Variants in GLCCI1 observed in about 807,000 individuals in gnomAD.
GLCCI1 encodes glucocorticoid-induced transcript 1 protein.
A neutral mutation model predicts 52.2 loss-of-function variants in GLCCI1; 24 were observed. The observed-to-expected ratio is 0.46, with a 90% confidence interval of 0.33 to 0.65. The LOEUF (loss-of-function observed/expected upper bound fraction) is 0.65. Among genes scored for constraint, GLCCI1 ranks in the 30% least tolerant of loss-of-function variants. The probability of loss-of-function intolerance (pLI) is 0.02; values close to 1 mark genes in which losing one functional copy is unlikely to be tolerated. For missense variants in GLCCI1, 704 were observed against 701.5 expected, an observed-to-expected ratio of 1.00 and a Z score of -0.04; for synonymous variants, 310 against 276.5, an observed-to-expected ratio of 1.12 and a Z score of -1.20.
At chr7:7,987,184 C>A (rs895687870) in intron 1 of GLCCI1, among the ~76,000 whole-genome samples, 1 of 152,176 alleles carries the variant, frequency 6.6e-6, no homozygotes, top group African/African-American at 2.4e-5. Flanking sequence ...CACTGTGTAC[C>A]TTGTGTTCCT....
intron 2 of GLCCI1, among the ~76,000 whole-genome samples, chr7:8,013,712 C>G (rs1417188704): frequency 2.6e-5 from 4 of 152,076 alleles, no homozygotes; most frequent in African/African-American, 9.7e-5. Flanking sequence ...CAACACATTT[C>G]TTGTTAAACT....
intron 3 of GLCCI1, among the ~76,000 whole-genome samples, chr7:8,039,108 A>G (rs1421262627): frequency 6.6e-6 from 1 of 152,172 alleles, no homozygotes; most frequent in East Asian, 1.9e-4. Context: ...TCAAAAAAAA[A>G]TAGTTGTTGG....
intron 1 of GLCCI1, among the ~76,000 whole-genome samples, chr7:7,994,772 A>C (rs1483296282): frequency 6.6e-6 from 1 of 152,232 alleles, no homozygotes; most frequent in Non-Finnish European, 1.5e-5. Flanking sequence ...GAATACATTG[A>C]CAAAACTTCT....
intron 6 of GLCCI1, among the ~76,000 whole-genome samples, chr7:8,072,010 A>G (rs1363968609): frequency 3.3e-5 from 5 of 152,218 alleles, no homozygotes; most frequent in Non-Finnish European, 7.3e-5. Flanking sequence ...TGCCCAGATC[A>G]TAAGTGCTCA....
intron 5 of GLCCI1, among the ~76,000 whole-genome samples, chr7:8,064,406 T>C (rs1782585771): frequency 6.6e-6 from 1 of 152,192 alleles, no homozygotes; most frequent in Non-Finnish European, 1.5e-5. Flanking sequence ...AAAGAACAGA[T>C]GGTTACAGGT....
chr7:8,086,704 A>C lies in GLCCI1; in HGVS notation c.*166A>C. 1.6e-6 allele frequency: 1 copy of C among 623,938 alleles called. No individual in the cohort carries two copies. The allele number at this position is 623,938 out of a possible 1,614,324, so 38.7% of individuals were successfully genotyped here. A position where few individuals can be genotyped will look rare whatever the true frequency, so the allele number is the denominator to read the frequency against. ...CTTGGCAGGGACGGAACTCCTATTC[A>C]GCAGTTTTTGTGGAAAGCAGTAATG... On this transcript the variant is annotated 3_prime_UTR_variant, in exon 8 of 8. Coordinates refer to ENST00000223145, the MANE Select transcript of GLCCI1 (RefSeq NM_138426.4). This position sits in a 1 kb window ranked among gnomAD's most constrained non-coding sequence, Gnocchi z 4.4.
intron 2 of GLCCI1, among the ~76,000 whole-genome samples, chr7:8,005,198 T>C (rs1220487392): frequency 1.3e-5 from 2 of 152,136 alleles, no homozygotes; most frequent in East Asian, 3.8e-4. Flanking sequence ...AGAACCATCC[T>C]TCTAGAGGAG....
chr7:8,031,260 G>T lies in GLCCI1; in HGVS notation c.696+8691G>T, dbSNP rs183817107. 1.6e-4 allele frequency among the ~76,000 whole-genome samples: 24 copies of T among 152,196 alleles called. No individual in the cohort carries two copies. The East Asian group carries it at 4.6e-3, about 29-fold the overall frequency. On this transcript the variant is annotated intron_variant, in intron 3 of 7. Transcript: ENST00000223145. Reference sequence around the variant, plus strand: ...ACGTCCAGTTCCATCCAACAACATGGATGTCATTACGTTAAGTGAAATAAG... The same window carrying T: ...ACGTCCAGTTCCATCCAACAACATGTATGTCATTACGTTAAGTGAAATAAG...
chr7:8,044,692 A>G (rs1407051502), intron 3 of GLCCI1, among the ~76,000 whole-genome samples: 1 of 152,192 alleles, frequency 6.6e-6, no homozygotes, highest in Non-Finnish European at 1.5e-5. Flanking sequence ...CATAATTCAC[A>G]TGTATACTCT....
At chr7:8,025,618 C>A (rs1781601594) in intron 3 of GLCCI1, among the ~76,000 whole-genome samples, 1 of 152,058 alleles carries the variant, frequency 6.6e-6, no homozygotes, top group African/African-American at 2.4e-5. Flanking sequence ...GAAATACTAA[C>A]AGAGAACTTT....
chr7:8,050,815 A>G (rs1372960563), intron 3 of GLCCI1, among the ~76,000 whole-genome samples: 7 of 152,226 alleles, frequency 4.6e-5, no homozygotes, highest in Admixed American at 2.0e-4. Context: ...CCACTTAACA[A>G]TGTGACTTTT....
At chr7:8,067,653 A>G (rs904060057) in intron 5 of GLCCI1, among the ~76,000 whole-genome samples, 4 of 152,164 alleles carry the variant, frequency 2.6e-5, no homozygotes, top group Admixed American at 6.5e-5. Flanking sequence ...CTAGATAGCC[A>G]CTTCTCGCTT....
At chr7:8,007,844 AAAG>A (rs1431223294) in intron 2 of GLCCI1, among the ~76,000 whole-genome samples, 3 of 152,216 alleles carry the variant, frequency 2.0e-5, no homozygotes, top group African/African-American at 7.2e-5. Context: ...TACATATTAA[AAAG>A]AAGTAGCATA....
At chr7:8,016,330 G>C (rs1781380458) in intron 2 of GLCCI1, among the ~76,000 whole-genome samples, 1 of 152,082 alleles carries the variant, frequency 6.6e-6, no homozygotes, top group Non-Finnish European at 1.5e-5. Context: ...TTAGCCGGGT[G>C]TGGTGGTGGG....
In GLCCI1 at chr7:8,073,938, A is replaced by G. The variant is rs1052632136; in HGVS notation, c.1177+2807A>G. 1.1e-4 allele frequency among the ~76,000 whole-genome samples: 16 copies of G among 152,046 alleles called. 1 individual carries two copies. Among genetic ancestry groups the G allele is most frequent in the Admixed American group, 9.8e-4 (15 of 15,270 alleles). ...GTGTAGCTCTCTGTTATGCAATACA[A>G]GGTTTCTAGTTCTCAAATCAAATAC... On this transcript the variant is annotated intron_variant, in intron 6 of 7. Transcript: ENST00000223145.
At chr7:8,054,951 C>G (rs995696205) in intron 3 of GLCCI1, among the ~76,000 whole-genome samples, 1 of 151,734 alleles carries the variant, frequency 6.6e-6, no homozygotes, top group Non-Finnish European at 1.5e-5. Flanking sequence ...TACTAAATAG[C>G]TTTGATTCTC....
intron 2 of GLCCI1, among the ~76,000 whole-genome samples, chr7:8,021,609 G>A (rs1229766915): frequency 6.6e-6 from 1 of 152,070 alleles, no homozygotes; most frequent in Non-Finnish European, 1.5e-5. Flanking sequence ...CACCATGTTG[G>A]TCAGGCTGGT....
chr7:8,070,845 G>A (rs10253861), intron 5 of GLCCI1, 76 bp from the exon 6 acceptor site: 704,255 of 1,299,780 alleles, frequency 0.54, 192,377 homozygotes, highest in Middle Eastern at 0.61. Flanking sequence ...ATGAAATCAA[G>A]GGAAATACTA....
At position 8,060,151 on chromosome 7, in the gene GLCCI1, C is replaced by T; in HGVS notation, c.869C>T (p.Ser290Leu). 1 of 1,613,690 alleles carries T rather than the reference C, an allele frequency of 6.2e-7. No individual in the cohort carries two copies. ...CTGTCAAATATATCAGTGCCAAAAT[C>T]ATCTGTTTCGCGTGTGCCCTGCAAT... ...MPLSNISVPK[S>L]SVSRVPCNVE... Residue 290 changes from serine to leucine, a missense_variant, in exon 5 of 8, where the codon TCA (serine) becomes TTA (leucine). Around this residue, in one of 3 missense-constraint regions of GLCCI1, gnomAD observed 547 missense variants for 524.8 expected, o/e 1.04. Transcript: ENST00000223145.
Sources: allele counts gnomAD v4.1 joint callset (sites outside exome capture counted in the v4.1 genomes callset), GRCh38; gene constraint gnomAD v4.1.1; regional missense constraint gnomAD v4.1.1; non-coding constraint Gnocchi (gnomAD v3.1); transcripts MANE v1.5; gene names NCBI Gene and HGNC (gene_info 2026-07-23, HGNC 2026-07-21).